Variants in FER observed in about 807,000 individuals in gnomAD.
FER encodes the protein tyrosine-protein kinase Fer.
In FER, 63 loss-of-function variants were observed where a neutral mutation model predicts 111.0. That is an observed-to-expected ratio of 0.57 (90% CI 0.46 to 0.70). The LOEUF is 0.70. Among genes scored for constraint, FER ranks in the 30% least tolerant of loss-of-function variants. The probability of loss-of-function intolerance (pLI) is 0.00; values close to 1 mark genes in which losing one functional copy is unlikely to be tolerated. For synonymous variants in FER, 327 were observed against 313.9 expected (o/e 1.04, Z -0.44); for missense variants, 914 against 954.0 (o/e 0.96, Z 0.55).
chr5:109,185,885 C>T (rs1405607064), intron 18 of FER, among the ~76,000 whole-genome samples: 2 of 152,198 alleles, frequency 1.3e-5, no homozygotes, highest in African/African-American at 2.4e-5. Context: ...AAACCAAGTA[C>T]ACATCTAGGC....
At chr5:108,758,573 C>T (rs951928279) in intron 1 of FER, among the ~76,000 whole-genome samples, 4 of 152,142 alleles carry the variant, frequency 2.6e-5, no homozygotes, top group African/African-American at 9.7e-5. Flanking sequence ...GGAAGCCAAA[C>T]ATAAAGACTT....
chr5:109,063,349 T>G (rs1480115946), intron 16 of FER, among the ~76,000 whole-genome samples: 2 of 152,210 alleles, frequency 1.3e-5, no homozygotes, highest in Non-Finnish European at 2.9e-5. Flanking sequence ...GGAAGGTTAC[T>G]ATGGTAGTTA....
intron 16 of FER, among the ~76,000 whole-genome samples, chr5:109,082,135 C>T (rs1777054973): frequency 6.6e-6 from 1 of 151,908 alleles, no homozygotes; most frequent in Non-Finnish European, 1.5e-5. Context: ...TATTTTTTGT[C>T]TTATTTTTTT....
chr5:108,748,420 G>C (rs148231510), intron 1 of FER: 1 of 152,312 alleles, frequency 6.6e-6, no homozygotes, highest in Non-Finnish European at 1.5e-5. Context: ...CCGACCCGCC[G>C]AGTAGTCCCT....
chr5:108,868,019 T>G, intron 6 of FER, 69 bp downstream of exon 6: 3 of 1,441,174 alleles, frequency 2.1e-6, no homozygotes, highest in Non-Finnish European at 2.8e-6. Flanking sequence ...TCTCTCTAGT[T>G]TAGGTGTTGC....
chr5:108,842,881 C>A (rs1021878158), intron 5 of FER: 2 of 152,190 alleles, frequency 1.3e-5, no homozygotes, highest in Non-Finnish European at 2.9e-5. Context: ...ACCATTTGAT[C>A]CAGCAATCCC....
chr5:109,070,382 G>A (rs770820581), intron 16 of FER, among the ~76,000 whole-genome samples: 4 of 151,884 alleles, frequency 2.6e-5, no homozygotes, highest in Non-Finnish European at 5.9e-5. Flanking sequence ...ATTTTGAAAA[G>A]GAGTATTTTA....
At chr5:109,058,731 T>C (rs947792792) in intron 16 of FER, among the ~76,000 whole-genome samples, 8 of 124,624 alleles carry the variant, frequency 6.4e-5, no homozygotes, top group South Asian at 2.9e-4. Flanking sequence ...TTTCTTTTTT[T>C]TTTTTTTTTT....
At chr5:109,187,401 T>C (rs748098638) in intron 19 of FER, 32 bp from the exon 20 acceptor site, 1 of 1,605,204 alleles carries the variant, frequency 6.2e-7, no homozygotes, top group Non-Finnish European at 8.5e-7. Flanking sequence ...ACCTCCATTC[T>C]AAATTCTGTT....
chr5:109,092,161 A>G (rs1288118758), intron 16 of FER, among the ~76,000 whole-genome samples: 3 of 151,832 alleles, frequency 2.0e-5, no homozygotes, highest in East Asian at 1.9e-4. Context: ...AAAGTATAAA[A>G]CTGCTAGAAG....
intron 10 of FER, among the ~76,000 whole-genome samples, chr5:108,904,688 G>A (rs1470763376): frequency 6.6e-6 from 1 of 152,124 alleles, no homozygotes; most frequent in Admixed American, 6.5e-5. Flanking sequence ...ATACTATTGT[G>A]TGTAGTTTAT....
chr5:109,006,783 C>T (rs980837157), intron 13 of FER, among the ~76,000 whole-genome samples: 2 of 151,966 alleles, frequency 1.3e-5, no homozygotes, highest in Non-Finnish European at 2.9e-5. Context: ...CCACAAATGT[C>T]CTCTAAAATT....
At chr5:108,964,418 G>A (rs958111404) in intron 13 of FER, among the ~76,000 whole-genome samples, 2 of 152,190 alleles carry the variant, frequency 1.3e-5, no homozygotes, top group African/African-American at 4.8e-5. Context: ...AGTACAGCAT[G>A]TGTACCAACC....
intron 3 of FER, among the ~76,000 whole-genome samples, chr5:108,803,765 C>T (rs1290032652): frequency 6.6e-6 from 1 of 151,972 alleles, no homozygotes; most frequent in South Asian, 2.1e-4. Flanking sequence ...ACTTGCGTAA[C>T]ATCAAGCCAC....
At chr5:108,924,495 T>C in intron 10 of FER, 1 of 763,248 alleles carries the variant, frequency 1.3e-6, no homozygotes, top group Non-Finnish European at 1.8e-6. Context: ...GTTCCTTTAA[T>C]CCAGAACTGA....
At chr5:108,979,335 T>C (rs1427803855) in intron 13 of FER, among the ~76,000 whole-genome samples, 2 of 152,170 alleles carry the variant, frequency 1.3e-5, no homozygotes, top group African/African-American at 4.8e-5. Context: ...ATATGCTTAA[T>C]CTCTTTCCCT....
chr5:108,980,647 G>A (rs1020355808), intron 13 of FER, among the ~76,000 whole-genome samples: 6 of 152,126 alleles, frequency 3.9e-5, no homozygotes, highest in African/African-American at 1.2e-4. Flanking sequence ...ATCAAAGGAA[G>A]CATTTAGAAG....
intron 13 of FER, among the ~76,000 whole-genome samples, chr5:109,006,640 C>G (rs986716657): frequency 1.3e-5 from 2 of 151,990 alleles, no homozygotes; most frequent in African/African-American, 4.8e-5. Flanking sequence ...GCTCTCTTAG[C>G]TTTTTGGCTT....
intron 5 of FER, among the ~76,000 whole-genome samples, chr5:108,837,344 A>G (rs1378255322): frequency 6.6e-6 from 1 of 152,142 alleles, no homozygotes; most frequent in Non-Finnish European, 1.5e-5. Context: ...TCCAAGTCTC[A>G]CTCTCTTGCA....
Sources: allele counts gnomAD v4.1 joint callset (sites outside exome capture counted in the v4.1 genomes callset), GRCh38; gene constraint gnomAD v4.1.1; transcripts MANE v1.5; gene names NCBI Gene and HGNC (gene_info 2026-07-23, HGNC 2026-07-21).